FANCI: variants seen among roughly 807,000 people sequenced by gnomAD.
FANCI encodes the protein FA complementation group I, also known as Fanconi anemia group I protein.
In FANCI, 156 loss-of-function variants were observed where a neutral mutation model predicts 176.1. That is an observed-to-expected ratio of 0.89 (90% CI 0.78 to 1.01). The LOEUF is 1.01. Among genes scored for constraint, FANCI ranks in the 50% least tolerant of loss-of-function variants. The pLI is 0.00. For missense variants in FANCI, 1,678 were observed against 1,534.1 expected (o/e 1.09, Z -1.57); for synonymous variants, 613 against 541.7 (o/e 1.13, Z -1.83).
Position 89,258,686 on chromosome 15 carries a change from C to G in FANCI, c.85-18C>G, listed in dbSNP as rs1281433118. 7.5e-6 allele frequency: 12 copies of G among 1,605,402 alleles called. No homozygotes were observed. The highest frequency in any genetic ancestry group is 1.0e-5 in the Non-Finnish European group (12 of 1,172,260). On this transcript the variant is annotated intron_variant, in intron 2 of 37. Transcript: ENST00000310775. Reference sequence around the variant, plus strand: ...AAAGACTGTTGCCAGAGACTTGTACCTTTTTCTTTCTTTGCAGTTGACTAA... The same window carrying G: ...AAAGACTGTTGCCAGAGACTTGTACGTTTTTCTTTCTTTGCAGTTGACTAA...
intron 1 of FANCI, chr15:89,245,356 T>G (rs2051913790): frequency 4.6e-5 from 6 of 131,494 alleles, no homozygotes; most frequent in African/African-American, 1.8e-4. Flanking sequence ...TTTTTTTTTT[T>G]TTTTTTTTTT....
intron 12 of FANCI, among the ~76,000 whole-genome samples, chr15:89,275,989 G>C (rs943771100): frequency 3.9e-5 from 6 of 152,174 alleles, no homozygotes; most frequent in Non-Finnish European, 7.3e-5. Flanking sequence ...TGGCTCTTCA[G>C]AGTATGAATA....
intron 34 of FANCI, among the ~76,000 whole-genome samples, chr15:89,309,614 T>G (rs1191312984): frequency 6.6e-6 from 1 of 152,070 alleles, no homozygotes; most frequent in African/African-American, 2.4e-5. Flanking sequence ...TCCCAGTTAC[T>G]TGGGAGGCTG....
At chr15:89,268,704 T>A in intron 10 of FANCI, 179 bp downstream of exon 10, 1 of 636,656 alleles carries the variant, frequency 1.6e-6, no homozygotes, top group Non-Finnish European at 2.6e-6. Flanking sequence ...CCACACTCCC[T>A]TTTTTTTAAT....
rs1415270918 is a variant in FANCI at position 89,307,466 on chromosome 15, T to C, written c.3538-10T>C. On this transcript the variant is annotated splice_polypyrimidine_tract_variant and intron_variant, in intron 32 of 37. Coordinates refer to ENST00000310775, the MANE Select transcript of FANCI (RefSeq NM_001113378.2). ...ACAGTCTACTAAATCTAGGAATCTT[T>C]TTTTATTAGTATCTCCAGGTGTGTC... 7 of 1,613,194 alleles carry C rather than the reference T, an allele frequency of 4.3e-6. No homozygotes were observed. The Admixed American group carries it at 6.7e-5, about 15-fold the overall frequency.
At chr15:89,294,318 C>T (rs1422204916) in intron 23 of FANCI, among the ~76,000 whole-genome samples, 1 of 151,568 alleles carries the variant, frequency 6.6e-6, no homozygotes, top group East Asian at 2.0e-4. Context: ...GGCATGGTGC[C>T]TCACTCCTGT....
chr15:89,265,829 T>C (rs1367994205), intron 9 of FANCI, among the ~76,000 whole-genome samples: 4 of 152,146 alleles, frequency 2.6e-5, no homozygotes, highest in African/African-American at 9.7e-5. Flanking sequence ...GCCGGATTTT[T>C]TGTTTTTTAA....
At chr15:89,281,858 A>G in intron 16 of FANCI, 23 bp downstream of exon 16, 5 of 1,608,208 alleles carry the variant, frequency 3.1e-6, no homozygotes, top group Non-Finnish European at 4.3e-6. Context: ...TTTTTCTATC[A>G]TAGGAAGACG....
chr15:89,273,638 G>A (rs1025430169), intron 11 of FANCI, among the ~76,000 whole-genome samples, 169 bp downstream of exon 11: 10 of 152,048 alleles, frequency 6.6e-5, no homozygotes, highest in Non-Finnish European at 1.0e-4. Flanking sequence ...CTGTTCTCTG[G>A]GGATTGATGG....
intron 19 of FANCI, 195 bp downstream of exon 19, chr15:89,290,476 T>C (rs2054018871): frequency 3.4e-6 from 2 of 592,148 alleles, no homozygotes; most frequent in African/African-American, 1.9e-5. Context: ...CATAATACCA[T>C]CATCTAGCAG....
In FANCI at chr15:89,307,497, T is replaced by C. The variant is rs1386605054; in HGVS notation, c.3559T>C (p.Ser1187Pro). The C allele has an allele frequency of 1.2e-6, 2 of 1,614,064 alleles. No homozygotes were observed. The highest frequency in any genetic ancestry group is 1.7e-6 in the Non-Finnish European group (2 of 1,180,046). Residue 1187 changes from serine to proline, a missense_variant, in exon 33 of 38, where the codon TCC (serine) becomes CCC (proline). By Grantham distance (74) the Ser-to-Pro change is moderately conservative (BLOSUM62 -1). This residue lies in a region of FANCI where 1,204 missense variants were observed against 1,077.4 expected (regional missense o/e 1.12). Transcript: ENST00000310775. ...VRYYLQVCQS[S>P]GGIPKNMEKL... ...TTAGTATCTCCAGGTGTGTCAGAGC[T>C]CCGGAGGAATTCCAAAAAATATGGA... is the stretch of plus-strand genomic sequence containing the variant.
intron 9 of FANCI, among the ~76,000 whole-genome samples, chr15:89,267,187 G>C (rs183504430): frequency 6.6e-6 from 1 of 152,022 alleles, no homozygotes; most frequent in Non-Finnish European, 1.5e-5. Context: ...AGGCGCAGTG[G>C]CTCATGCCTG....
intron 18 of FANCI, among the ~76,000 whole-genome samples, chr15:89,288,394 A>G (rs1043838383): frequency 2.0e-5 from 3 of 152,210 alleles, no homozygotes; most frequent in African/African-American, 7.2e-5. Context: ...CATGAAGTGG[A>G]TCATAGACTT....
At chr15:89,273,324 A>G in intron 10 of FANCI, 53 bp from the exon 11 acceptor site, 1 of 928,684 alleles carries the variant, frequency 1.1e-6, no homozygotes, top group Non-Finnish European at 1.7e-6. Flanking sequence ...AAAAAAAAAA[A>G]AAGAAAAAAG....
chr15:89,260,734 C>G lies in FANCI; in HGVS notation c.179C>G (p.Ala60Gly), dbSNP rs757018470. The change falls in exon 4 of 38, where the codon GCT becomes GGT. Residue 60 changes from alanine to glycine, a missense_variant. Coordinates refer to ENST00000310775, the MANE Select transcript of FANCI (RefSeq NM_001113378.2). ...TAAGGTTCCCCCTGCTCTGAGGAAG[C>G]TGGAACACTTAGGAGACGTAAGATA... ...IFKGSPCSEE[A>G]GTLRRRKIYT... is the part of the protein sequence containing the mutation. 9 of 1,613,888 alleles carry G rather than the reference C, an allele frequency of 5.6e-6. No individual in the cohort carries two copies. The Admixed American group carries it at 1.3e-4, about 24-fold the overall frequency.
Position 89,258,742 on chromosome 15 carries a change from A to C in FANCI, c.123A>C (p.Lys41Asn), listed in dbSNP as rs1325221670. 6.2e-7 allele frequency: 1 copy of C among 1,613,562 alleles called. No individual in the cohort carries two copies. The highest frequency in any genetic ancestry group is 1.3e-5 in the African/African-American group (1 of 74,912). Residue 41 changes from lysine to asparagine, a missense_variant, in exon 3 of 38, where the codon AAA becomes AAC. Lys to Asn is a moderately conservative substitution (Grantham distance 94). This residue lies in a region of FANCI where 469 missense variants were observed against 436.9 expected (regional missense o/e 1.07). Transcript: ENST00000310775. ...TTCAGAATCAAGCAGTGAAAGGAAA[A>C]GTTGCTGGAGCACTCCTGAGAGCCA... is the stretch of plus-strand genomic sequence containing the variant. Reference protein sequence around the residue: ...NLLQNQAVKGKVAGALLRAIF... With the variant: ...NLLQNQAVKGNVAGALLRAIF...
chr15:89,309,112 T>A (rs948757367), intron 34 of FANCI, among the ~76,000 whole-genome samples: 1 of 152,124 alleles, frequency 6.6e-6, no homozygotes, highest in East Asian at 1.9e-4. Context: ...TATCCAGCCA[T>A]CCAGCCAGTA....
chr15:89,245,887 A>G (rs1444820810), intron 1 of FANCI: 1 of 152,382 alleles, frequency 6.6e-6, no homozygotes, highest in Admixed American at 6.5e-5. Flanking sequence ...GAAGGGAACA[A>G]GTTAGGAAAC....
At chr15:89,291,467 A>G in intron 19 of FANCI, 146 bp from the exon 20 acceptor site, 1 of 684,452 alleles carries the variant, frequency 1.5e-6, no homozygotes. Flanking sequence ...AGCCAAAGAA[A>G]TAAAAACTTG....
Sources: gnomAD v4.1 joint callset for allele counts (sites outside exome capture counted in the v4.1 genomes callset) on GRCh38, gnomAD v4.1.1 for gene constraint, gnomAD v4.1.1 regional missense constraint, MANE v1.5 for transcripts, NCBI Gene and HGNC (gene_info 2026-07-23, HGNC 2026-07-21) for gene names.